Variants in HS6ST3 observed in about 807,000 individuals in gnomAD.
The protein encoded by HS6ST3 is heparan-sulfate 6-O-sulfotransferase 3.
Under a neutral mutation model 36.7 loss-of-function variants are expected in HS6ST3, and 12 were observed. That is an observed-to-expected ratio of 0.33 (90% CI 0.21 to 0.53). HS6ST3 has a LOEUF of 0.53. Among genes scored for constraint, HS6ST3 ranks in the 20% least tolerant of loss-of-function variants. The pLI is 0.95. For synonymous variants in HS6ST3, 240 were observed against 257.5 expected (o/e 0.93, Z 0.65); for missense variants, 584 against 640.9 (o/e 0.91, Z 0.96).
chr13:96,520,168 C>T (rs891620449), intron 1 of HS6ST3, among the ~76,000 whole-genome samples: 5 of 152,076 alleles, frequency 3.3e-5, no homozygotes, highest in East Asian at 1.9e-4. Flanking sequence ...TGGTGGTAGA[C>T]GTGTGATGTT....
chr13:96,546,690 G>C (rs1161866985), intron 1 of HS6ST3, among the ~76,000 whole-genome samples: 1 of 152,306 alleles, frequency 6.6e-6, no homozygotes, highest in South Asian at 2.1e-4. Flanking sequence ...CATCGTAGGG[G>C]TGTGTTAAAA....
At chr13:96,502,684 C>A (rs1008572616) in intron 1 of HS6ST3, among the ~76,000 whole-genome samples, 4 of 152,112 alleles carry the variant, frequency 2.6e-5, no homozygotes, top group African/African-American at 9.7e-5. Context: ...AACTGGTGGT[C>A]TTCTAATGCC....
At chr13:96,510,734 TATTA>T (rs1386175857) in intron 1 of HS6ST3, among the ~76,000 whole-genome samples, 1 of 152,156 alleles carries the variant, frequency 6.6e-6, no homozygotes, top group African/African-American at 2.4e-5. Context: ...TTAATGTTAT[TATTA>T]ATTCTATTTT....
chr13:96,790,913 G>T (rs1369998288), intron 1 of HS6ST3, among the ~76,000 whole-genome samples: 5 of 151,970 alleles, frequency 3.3e-5, no homozygotes, highest in Admixed American at 2.0e-4. Flanking sequence ...TCCCTTGGAT[G>T]TACCACCTCC....
chr13:96,116,647 C>T (rs1469429219), intron 1 of HS6ST3, among the ~76,000 whole-genome samples: 1 of 152,188 alleles, frequency 6.6e-6, no homozygotes, highest in East Asian at 1.9e-4. Context: ...TCAGTATGCA[C>T]TATTGAACTG....
Position 96,610,992 on chromosome 13 carries a change from T to G in HS6ST3, c.708-221498T>G, listed in dbSNP as rs570585083. Reference sequence around the variant, plus strand: ...TTACCTATATGATCAGCCAAAGAAATGTATCAGGCTTAAAAACAAACAAAG... The same window carrying G: ...TTACCTATATGATCAGCCAAAGAAAGGTATCAGGCTTAAAAACAAACAAAG... On this transcript the variant is annotated intron_variant, in intron 1 of 1. Transcript: ENST00000376705. Among the ~76,000 whole-genome samples, 794 of 151,964 alleles carry G rather than the reference T, an allele frequency of 5.2e-3. 8 individuals are homozygous for G. Among genetic ancestry groups the G allele is most frequent in the African/African-American group, 0.018 (756 of 41,538 alleles).
intron 1 of HS6ST3, among the ~76,000 whole-genome samples, chr13:96,244,647 C>G (rs925125102): frequency 6.6e-6 from 1 of 152,124 alleles, no homozygotes; most frequent in Non-Finnish European, 1.5e-5. Flanking sequence ...TTTTCTTCAC[C>G]TAGTTCTAGG....
intron 1 of HS6ST3, among the ~76,000 whole-genome samples, chr13:96,148,026 C>G (rs942669473): frequency 2.0e-5 from 3 of 152,028 alleles, no homozygotes; most frequent in Non-Finnish European, 4.4e-5. Flanking sequence ...CACTGATGAC[C>G]CAAAAATTGG....
At chr13:96,528,432 C>A (rs912700067) in intron 1 of HS6ST3, among the ~76,000 whole-genome samples, 1 of 152,092 alleles carries the variant, frequency 6.6e-6, no homozygotes, top group Non-Finnish European at 1.5e-5. Flanking sequence ...AAAGTGTCAA[C>A]CTCCATGAGC....
chr13:96,544,360 G>A (rs188483948), intron 1 of HS6ST3, among the ~76,000 whole-genome samples: 291 of 152,248 alleles, frequency 1.9e-3, no homozygotes, highest in African/African-American at 6.6e-3. Context: ...AGAAAGAGAA[G>A]GCTCATGGTA....
chr13:96,540,442 A>C (rs1462756343), intron 1 of HS6ST3, among the ~76,000 whole-genome samples: 3 of 150,534 alleles, frequency 2.0e-5, no homozygotes, highest in African/African-American at 7.5e-5. Flanking sequence ...CTTCACTTAC[A>C]TTGGATCCAT....
intron 1 of HS6ST3, among the ~76,000 whole-genome samples, chr13:96,238,337 A>C (rs529222740): frequency 6.6e-6 from 1 of 152,254 alleles, no homozygotes; most frequent in African/African-American, 2.4e-5. Context: ...CTCTCCCTGC[A>C]CCCAGTCTTG....
chr13:96,193,857 C>A (rs1198374351), intron 1 of HS6ST3, among the ~76,000 whole-genome samples: 1 of 152,112 alleles, frequency 6.6e-6, no homozygotes, highest in Admixed American at 6.5e-5. Context: ...TAAATTGAAT[C>A]AACTCTTTCA....
At chr13:96,799,950 A>ATATATATATGTG (rs1566456750) in intron 1 of HS6ST3, among the ~76,000 whole-genome samples, 9 of 85,676 alleles carry the variant, frequency 1.1e-4, no homozygotes, top group African/African-American at 5.4e-4. Context: ...GTGTGTATAT[A>ATATATATATGTG]TATATATATA....
chr13:96,525,258 G>T (rs558344105), intron 1 of HS6ST3, among the ~76,000 whole-genome samples: 9 of 152,164 alleles, frequency 5.9e-5, no homozygotes, highest in African/African-American at 1.9e-4. Flanking sequence ...AATAGATGGG[G>T]GTGGTTACTT....
chr13:96,308,577 A>G (rs1248742855), intron 1 of HS6ST3, among the ~76,000 whole-genome samples: 1 of 152,094 alleles, frequency 6.6e-6, no homozygotes, highest in Non-Finnish European at 1.5e-5. Flanking sequence ...ATTTAAATCC[A>G]TCTTATTAAC....
intron 1 of HS6ST3, among the ~76,000 whole-genome samples, chr13:96,791,845 G>T (rs571224017): frequency 1.3e-5 from 2 of 152,058 alleles, no homozygotes; most frequent in African/African-American, 2.4e-5. Flanking sequence ...CTAAGGGTTT[G>T]CCTGTTTACT....
rs144958325 is a variant in HS6ST3 at position 96,528,339 on chromosome 13, A to G, written c.708-304151A>G. On this transcript the variant is annotated intron_variant, in intron 1 of 1. Coordinates refer to ENST00000376705, the MANE Select transcript of HS6ST3 (RefSeq NM_153456.4). The stretch of plus-strand genomic sequence containing the variant: ...AACTTATCACTTCAAAAGTGAGCCT[A>G]TTCACTTTGAGGAAAACAAATGACA... Among the ~76,000 whole-genome samples the G allele has an allele frequency of 5.2e-3, 787 of 152,288 alleles. 7 individuals are homozygous for G. The highest frequency in any genetic ancestry group is 0.018 in the African/African-American group (731 of 41,558).
chr13:96,393,278 T>C (rs1172030330), intron 1 of HS6ST3, among the ~76,000 whole-genome samples: 1 of 152,140 alleles, frequency 6.6e-6, no homozygotes, highest in African/African-American at 2.4e-5. Context: ...CTGGGCTTGC[T>C]GTGTGAAGAA....
Sources: gnomAD v4.1 joint callset for allele counts (sites outside exome capture counted in the v4.1 genomes callset) on GRCh38, gnomAD v4.1.1 for gene constraint, MANE v1.5 for transcripts, NCBI Gene and HGNC (gene_info 2026-07-23, HGNC 2026-07-21) for gene names.